The following SMURF2 variants were observed in gnomAD, a reference collection of about 807,000 sequenced individuals.
SMURF2 encodes SMAD specific E3 ubiquitin protein ligase 2.
SMURF2 carries 48 observed loss-of-function variants against 109.6 expected under a neutral mutation model. The observed-to-expected ratio is 0.44, with a 90% confidence interval of 0.35 to 0.56. The LOEUF is 0.56. Among genes scored for constraint, SMURF2 ranks in the 20% least tolerant of loss-of-function variants. The pLI is 0.01. For synonymous variants in SMURF2, 288 were observed against 317.1 expected (o/e 0.91, Z 0.97); for missense variants, 575 against 909.0 (o/e 0.63, Z 4.72).
chr17:64,632,049 C>T (rs1476013530), intron 1 of SMURF2, among the ~76,000 whole-genome samples: 1 of 148,694 alleles, frequency 6.7e-6, no homozygotes, highest in Non-Finnish European at 1.5e-5. Context: ...ACCTCTGCCT[C>T]CCGGGTTCAA....
intron 10 of SMURF2, among the ~76,000 whole-genome samples, chr17:64,564,895 C>T (rs908105042): frequency 2.0e-5 from 3 of 152,104 alleles, no homozygotes; most frequent in African/African-American, 7.2e-5. Context: ...GGGAAACTAA[C>T]ACAGGGTGGA....
intron 1 of SMURF2, among the ~76,000 whole-genome samples, chr17:64,628,604 C>CA (rs1970297381): frequency 6.6e-6 from 1 of 152,132 alleles, no homozygotes. Context: ...CTTACACTCC[C>CA]ACAATGCCTT....
At chr17:64,615,861 G>A (rs561575529) in intron 1 of SMURF2, among the ~76,000 whole-genome samples, 70 of 151,368 alleles carry the variant, frequency 4.6e-4, no homozygotes, top group Middle Eastern at 3.4e-3. Flanking sequence ...TGACAGTCTC[G>A]CTCTGTTGCC....
chr17:64,648,303 G>A (rs773534839), intron 1 of SMURF2, among the ~76,000 whole-genome samples: 1 of 151,994 alleles, frequency 6.6e-6, no homozygotes, highest in Non-Finnish European at 1.5e-5. Context: ...TGGTAAAACA[G>A]TTCTATCCAT....
intron 10 of SMURF2, among the ~76,000 whole-genome samples, chr17:64,566,567 T>TTG (rs1568176791): frequency 3.9e-5 from 3 of 76,876 alleles, no homozygotes; most frequent in Non-Finnish European, 8.7e-5. Context: ...TCTGGTTTTT[T>TTG]TTTTTTTTTT....
At chr17:64,552,508 G>A (rs1161743157) in intron 15 of SMURF2, among the ~76,000 whole-genome samples, 1 of 152,114 alleles carries the variant, frequency 6.6e-6, no homozygotes, top group Admixed American at 6.6e-5. Flanking sequence ...TTGGGTTAAG[G>A]GGACAGCAAA....
At chr17:64,574,849 TCA>T (rs1568180101) in intron 9 of SMURF2, among the ~76,000 whole-genome samples, 1 of 152,206 alleles carries the variant, frequency 6.6e-6, no homozygotes, top group Non-Finnish European at 1.5e-5. Context: ...TGTCTCAATT[TCA>T]ATTTCTGTTG....
At chr17:64,590,344 T>C (rs1197986678) in intron 5 of SMURF2, among the ~76,000 whole-genome samples, 3 of 152,018 alleles carry the variant, frequency 2.0e-5, no homozygotes, top group African/African-American at 4.8e-5. Context: ...GGTTTCACCA[T>C]GTTGGCCAGG....
intron 1 of SMURF2, among the ~76,000 whole-genome samples, chr17:64,611,348 T>C (rs1473453313): frequency 2.6e-5 from 4 of 152,192 alleles, no homozygotes; most frequent in African/African-American, 9.7e-5. Flanking sequence ...ATTTACTCTA[T>C]GGTTATGATG....
rs1970790639 is a variant in SMURF2, at chr17:64,662,106, A to C, written c.-226T>G. On this transcript the variant is annotated 5_prime_UTR_variant, in exon 1 of 19. Transcript: ENST00000262435. ...TCTCCTTCCTCGGCCCGGGCCGCAC[A>C]ACAAAGCGGCAGCCGCGGCCGCCCG... The C allele has an allele frequency of 9.5e-7, 1 of 1,050,974 alleles. No homozygotes were observed. The highest frequency in any genetic ancestry group is 6.9e-5 in the East Asian group (1 of 14,516). The allele number at this position is 1,050,974 out of a possible 1,614,324, so 65.1% of individuals were successfully genotyped here.
In SMURF2 at chr17:64,562,828, T is replaced by C. The variant is rs782258014; in HGVS notation, c.1155A>G (p.Gln385=). Residue 385 remains glutamine (Q), a synonymous_variant, in exon 11 of 19, where the codon CAA becomes CAG. Coordinates refer to ENST00000262435, the MANE Select transcript of SMURF2 (RefSeq NM_022739.4). ...KLKILRQELS[Q]QQPQAGHCRI... ...GGCAATGACCTGCCTGAGGCTGTTGTTGGGAAAGTTCTTGCCGCAAAATTT... is the reference window on the plus strand; with the variant it reads ...GGCAATGACCTGCCTGAGGCTGTTGCTGGGAAAGTTCTTGCCGCAAAATTT... 2 of 1,614,156 alleles carry C rather than the reference T, an allele frequency of 1.2e-6. No individual in the cohort carries two copies. The highest frequency in any genetic ancestry group is 1.1e-5 in the South Asian group (1 of 91,084).
Position 64,561,568 on chromosome 17 carries a change from T to C in SMURF2, c.1248A>G (p.Lys416=). The change falls in exon 12 of 19, where the codon AAA becomes AAG. Residue 416 remains lysine, a synonymous_variant. Coordinates refer to ENST00000262435, the MANE Select transcript of SMURF2 (RefSeq NM_022739.4). The part of the protein sequence containing the change: ...SYRQVMKMRP[K]DLWKRLMIKF... ...TTATCATTAATCGCTTCCAGAGATC[T>C]TTTGGTCTCATTTTCATGACCTGTC... 6.2e-7 allele frequency: 1 copy of C among 1,613,554 alleles called. No homozygotes were observed. The highest frequency in any genetic ancestry group is 2.2e-5 in the East Asian group (1 of 44,874).
chr17:64,637,403 G>C (rs1970431458), intron 1 of SMURF2, among the ~76,000 whole-genome samples: 1 of 152,078 alleles, frequency 6.6e-6, no homozygotes, highest in Non-Finnish European at 1.5e-5. Context: ...CAGGATTACA[G>C]GTGTGAGCCA....
chr17:64,588,924 G>C (rs1298404724), intron 5 of SMURF2, among the ~76,000 whole-genome samples: 2 of 152,010 alleles, frequency 1.3e-5, no homozygotes, highest in Admixed American at 6.6e-5. Flanking sequence ...TGCCCGGCCC[G>C]GGAATACAGT....
chr17:64,662,059 C>T lies in SMURF2; in HGVS notation c.-179G>A. Reference sequence around the variant, plus strand: ...ATGAGCCGCGGAGGGAGCGGGACGCCGAGCTCCCCCCTCCTCCCACTTCTC... The same window carrying T: ...ATGAGCCGCGGAGGGAGCGGGACGCTGAGCTCCCCCCTCCTCCCACTTCTC... On this transcript the variant is annotated 5_prime_UTR_variant, in exon 1 of 19. Coordinates refer to ENST00000262435, the MANE Select transcript of SMURF2 (RefSeq NM_022739.4). 1 of 1,104,440 alleles carries T rather than the reference C, an allele frequency of 9.1e-7. No homozygotes were observed. The highest frequency in any genetic ancestry group is 1.1e-6 in the Non-Finnish European group (1 of 906,704). The allele number at this position is 1,104,440 out of a possible 1,614,324, so 68.4% of individuals were successfully genotyped here.
Position 64,542,515 on chromosome 17 carries a change from G to T in SMURF2, c.*3333C>A, listed in dbSNP as rs1968888059. 6.6e-6 allele frequency: 1 copy of T among 152,068 alleles called. No homozygotes were observed. 9.4% of individuals were successfully genotyped at this position (152,068 alleles called of 1,614,324 possible). A position where few individuals can be genotyped will look rare whatever the true frequency, so the allele number is the denominator to read the frequency against. ...TGTTTTTAAAGTCAGTCTGAGAGAA[G>T]AATATTACATAAAGTGAACTAATTA... On this transcript the variant is annotated 3_prime_UTR_variant, in exon 19 of 19. Transcript: ENST00000262435.
rs1437094650 is a variant in SMURF2, at chr17:64,601,905, TTATA to T, written c.92-3419_92-3416del. The stretch of plus-strand genomic sequence containing the variant: ...ATTATATAATTATATATGTATATAT[TTATA>T]TATAATTATATGTGTGTGTATATAT... On this transcript the variant is annotated intron_variant, in intron 2 of 18. Transcript: ENST00000262435. 4.8e-5 allele frequency among the ~76,000 whole-genome samples: 7 copies of T among 145,742 alleles called. No individual in the cohort carries two copies. In the East Asian group the frequency reaches 1.2e-3, roughly 24 times the overall value.
Position 64,662,196 on chromosome 17 carries a change from T to A in SMURF2, c.-316A>T, listed in dbSNP as rs1329738411. 2.9e-6 allele frequency: 3 copies of A among 1,032,686 alleles called. No individual in the cohort carries two copies. Among genetic ancestry groups the A allele is most frequent in the Non-Finnish European group, 2.3e-6 (2 of 861,886 alleles). The allele number at this position is 1,032,686 out of a possible 1,614,324, so 64.0% of individuals were successfully genotyped here. A position where few individuals can be genotyped will look rare whatever the true frequency, so the allele number is the denominator to read the frequency against. On this transcript the variant is annotated 5_prime_UTR_variant, in exon 1 of 19. Transcript: ENST00000262435. ...GCCGAGGCCTTTCCCTCCTCTCGTC[T>A]CGGCGAGGCCCAGTAGCCGACGGGG...
intron 5 of SMURF2, among the ~76,000 whole-genome samples, chr17:64,589,812 A>C (rs1555687496): frequency 6.6e-6 from 1 of 152,066 alleles, no homozygotes; most frequent in African/African-American, 2.4e-5. Flanking sequence ...CAATGTAATA[A>C]TAATAAAGTG....
Sources: gnomAD v4.1 joint callset for allele counts (sites outside exome capture counted in the v4.1 genomes callset) on GRCh38, gnomAD v4.1.1 for gene constraint, MANE v1.5 for transcripts, NCBI Gene and HGNC (gene_info 2026-07-23, HGNC 2026-07-21) for gene names.